Variants in BNC2 observed in about 807,000 individuals in gnomAD.
The protein encoded by BNC2 is basonuclin zinc finger protein 2.
A neutral mutation model predicts 76.3 loss-of-function variants in BNC2; 20 were observed. That is an observed-to-expected ratio of 0.26 (90% confidence interval 0.18 to 0.38). The LOEUF (loss-of-function observed/expected upper bound fraction) is 0.38. Among genes scored for constraint, BNC2 ranks in the 10% least tolerant of loss-of-function variants. The pLI, the probability that BNC2 is intolerant of heterozygous loss-of-function variation, is 1.00. For synonymous variants in BNC2, 582 were observed against 514.8 expected, an observed-to-expected ratio of 1.13 and a Z score of -1.77; for missense variants, 1,382 against 1,399.8, an observed-to-expected ratio of 0.99 and a Z score of 0.20.
chr9:16,798,843 G>A (rs77212667), intron 1 of BNC2, among the ~76,000 whole-genome samples: 2,504 of 151,758 alleles, frequency 0.017, 73 homozygotes, highest in African/African-American at 0.057. Context: ...AAACAATCAC[G>A]CACAAGTAAT....
At chr9:16,592,382 C>T (rs1055565140) in intron 3 of BNC2, among the ~76,000 whole-genome samples, 17 of 152,012 alleles carry the variant, frequency 1.1e-4, no homozygotes, top group Admixed American at 7.2e-4. Flanking sequence ...CGGATACATA[C>T]TACAACATGA....
At chr9:16,811,410 G>C (rs1312663010) in intron 1 of BNC2, among the ~76,000 whole-genome samples, 3 of 151,728 alleles carry the variant, frequency 2.0e-5, no homozygotes, top group Admixed American at 2.0e-4. Flanking sequence ...AAATTGGCCA[G>C]GCATAGTGGC....
chr9:16,618,056 G>C (rs150994294), intron 3 of BNC2, among the ~76,000 whole-genome samples: 1 of 152,116 alleles, frequency 6.6e-6, no homozygotes, highest in African/African-American at 2.4e-5. Context: ...AGCAACTTTC[G>C]GGGCTACCTA....
chr9:16,591,584 C>G (rs544061916), intron 3 of BNC2, among the ~76,000 whole-genome samples: 8 of 152,198 alleles, frequency 5.3e-5, no homozygotes, highest in Non-Finnish European at 1.2e-4. Flanking sequence ...GAACAATGCA[C>G]ACAGAATTTA....
intron 1 of BNC2, among the ~76,000 whole-genome samples, chr9:16,817,494 A>C (rs544566884): frequency 6.6e-6 from 1 of 152,336 alleles, no homozygotes; most frequent in African/African-American, 2.4e-5. Context: ...CATCTTGGAC[A>C]ATCTGTTTAA....
chr9:16,559,595 C>T (rs993095807), intron 4 of BNC2, among the ~76,000 whole-genome samples: 3 of 152,232 alleles, frequency 2.0e-5, no homozygotes, highest in East Asian at 1.9e-4. Flanking sequence ...CTCATCATGT[C>T]GGAAGTCCCT....
chr9:16,648,857 C>T lies in BNC2; in HGVS notation c.331-65772G>A, dbSNP rs1375783557. On this transcript the variant is annotated intron_variant, in intron 3 of 6. Coordinates refer to ENST00000380672, the MANE Select transcript of BNC2 (RefSeq NM_017637.6). ...AATAGTTTTTTAGCAGAATTATGCC[C>T]TCTAAAGGTGACCATGCACATAAGG... Among the ~76,000 whole-genome samples, 9 of 152,138 alleles carry T rather than the reference C, an allele frequency of 5.9e-5. No homozygotes were observed. In the East Asian group the frequency reaches 1.7e-3, roughly 29 times the overall value.
intron 1 of BNC2, among the ~76,000 whole-genome samples, chr9:16,784,810 T>G (rs1470554577): frequency 1.3e-5 from 2 of 152,208 alleles, no homozygotes; most frequent in Non-Finnish European, 2.9e-5. Context: ...ACCACTCCCC[T>G]GCCCTCCAAC....
chr9:16,591,852 C>T (rs1002960930), intron 3 of BNC2, among the ~76,000 whole-genome samples: 1 of 152,118 alleles, frequency 6.6e-6, no homozygotes, highest in African/African-American at 2.4e-5. Flanking sequence ...AAGGTCCTTA[C>T]ATTTGTCTAA....
chr9:16,755,153 G>A (rs1347949512), intron 1 of BNC2, among the ~76,000 whole-genome samples: 8 of 152,124 alleles, frequency 5.3e-5, no homozygotes, highest in Non-Finnish European at 1.2e-4. Context: ...AGTTATGTGT[G>A]GAAATAACTG....
At chr9:16,801,209 A>G (rs1410100239) in intron 1 of BNC2, among the ~76,000 whole-genome samples, 4 of 152,106 alleles carry the variant, frequency 2.6e-5, no homozygotes, top group South Asian at 2.1e-4. Context: ...TTTAGCAAAA[A>G]TAATAATGAT....
chr9:16,570,294 G>A lies in BNC2; in HGVS notation c.433+12689C>T, dbSNP rs114109820. Among the ~76,000 whole-genome samples the A allele has an allele frequency of 7.4e-3, 1,130 of 152,218 alleles. 15 individuals are homozygous for A. Among genetic ancestry groups the A allele is most frequent in the African/African-American group, 0.026 (1,083 of 41,538 alleles). ...TAAAAGAAAGAAATTATTATACTCA[G>A]TCTTGAAAAAGAAAAATGAATGTCA... On this transcript the variant is annotated intron_variant, in intron 4 of 6. Coordinates refer to ENST00000380672, the MANE Select transcript of BNC2 (RefSeq NM_017637.6).
At chr9:16,650,868 T>C (rs1036578941) in intron 3 of BNC2, among the ~76,000 whole-genome samples, 4 of 152,184 alleles carry the variant, frequency 2.6e-5, no homozygotes. Context: ...CAAAGTTATG[T>C]TTGTGTAAGT....
At chr9:16,785,035 G>A (rs895429294) in intron 1 of BNC2, among the ~76,000 whole-genome samples, 1 of 152,192 alleles carries the variant, frequency 6.6e-6, no homozygotes, top group Non-Finnish European at 1.5e-5. Context: ...TTCTCTGTAT[G>A]TGCTTATGCT....
chr9:16,727,695 A>G lies in BNC2; in HGVS notation c.330+102T>C. 4.8e-6 allele frequency: 5 copies of G among 1,049,268 alleles called. No homozygotes were observed. In the South Asian group the frequency reaches 6.0e-5, roughly 13 times the overall value. 65.0% of individuals were successfully genotyped at this position (1,049,268 alleles called of 1,614,324 possible). A position where few individuals can be genotyped will look rare whatever the true frequency, so the allele number is the denominator to read the frequency against. On this transcript the variant is annotated intron_variant, in intron 3 of 6. Transcript: ENST00000380672. ...CCTAACTAGGAAGTGACCACATTTT[A>G]AAAAGTATTTAGAAAGAAAAACACC...
At chr9:16,510,626 C>T (rs7848343) in intron 5 of BNC2, among the ~76,000 whole-genome samples, 17,004 of 152,230 alleles carry the variant, frequency 0.11, 1,279 homozygotes, top group East Asian at 0.31. Context: ...CAGAAATCAA[C>T]AGATAAGCCT....
rs1047342843 is a variant in BNC2, at chr9:16,412,218, T to C, written c.*6771A>G. ...AAAGCCTGACGCCATCTTTTTTAGA[T>C]TGTCAGTCCAGTTTGACAAAAGTTA... is the stretch of plus-strand genomic sequence containing the variant. On this transcript the variant is annotated 3_prime_UTR_variant, in exon 7 of 7. Transcript: ENST00000380672. 1 of 152,650 alleles carries C rather than the reference T, an allele frequency of 6.6e-6. No individual in the cohort carries two copies. Among genetic ancestry groups the C allele is most frequent in the African/African-American group, 2.4e-5 (1 of 41,458 alleles). The allele number at this position is 152,650 out of a possible 1,614,324, so 9.5% of individuals were successfully genotyped here.
intron 5 of BNC2, among the ~76,000 whole-genome samples, chr9:16,516,917 A>C (rs184840673): frequency 4.1e-4 from 63 of 152,332 alleles, no homozygotes; most frequent in African/African-American, 1.5e-3. Flanking sequence ...TGTGAGCAAA[A>C]TAGCAAAAGG....
intron 3 of BNC2, among the ~76,000 whole-genome samples, chr9:16,643,341 G>C (rs988092365): frequency 6.6e-6 from 1 of 151,094 alleles, no homozygotes; most frequent in Non-Finnish European, 1.5e-5. Context: ...CAAATTCTGG[G>C]AGACCAGAAT....
Sources: allele counts gnomAD v4.1 joint callset (sites outside exome capture counted in the v4.1 genomes callset), GRCh38; gene constraint gnomAD v4.1.1; transcripts MANE v1.5; gene names NCBI Gene and HGNC (gene_info 2026-07-23, HGNC 2026-07-21).